The following GARIN1A variants were observed in gnomAD, a reference collection of about 807,000 sequenced individuals.
The protein encoded by GARIN1A is Golgi-associated RAB2 interactor protein 1A.
chr7:128,703,543 C>T, the GARIN1A span, among the ~76,000 whole-genome samples: 148 of 152,258 alleles, frequency 9.7e-4, no homozygotes, highest in Non-Finnish European at 1.1e-3. Context: ...ATAATCCCAG[C>T]GCTTTGGGAG....
the GARIN1A span, among the ~76,000 whole-genome samples, chr7:128,694,224 CTT>C: frequency 1.3e-5 from 2 of 152,158 alleles, no homozygotes; most frequent in Non-Finnish European, 2.9e-5. Flanking sequence ...GTGTTGGAAA[CTT>C]TTTAGTGTAA....
At chr7:128,707,220 A>ATGTGTGTGTG in the GARIN1A span, among the ~76,000 whole-genome samples, 3,085 of 147,248 alleles carry the variant, frequency 0.021, 44 homozygotes, top group Non-Finnish European at 0.028. Context: ...GTGTGTATGT[A>ATGTGTGTGTG]TGTGTGTGTG....
the GARIN1A span, chr7:128,683,369 A>T: frequency 4.7e-6 from 2 of 429,606 alleles, no homozygotes; most frequent in Non-Finnish European, 8.2e-6. Flanking sequence ...GAAAGGACTG[A>T]CTGAGAACAG....
chr7:128,707,032 T>C, the GARIN1A span, among the ~76,000 whole-genome samples: 1 of 152,018 alleles, frequency 6.6e-6, no homozygotes, highest in Non-Finnish European at 1.5e-5. Flanking sequence ...AAAAGTTTTT[T>C]TTTTTAACCA....
chr7:128,705,560 T>A, the GARIN1A span, among the ~76,000 whole-genome samples: 1 of 151,674 alleles, frequency 6.6e-6, no homozygotes, highest in African/African-American at 2.4e-5. Context: ...CATTTCTTCA[T>A]CAAACTTCCT....
At chr7:128,693,103 A>G in the GARIN1A span, among the ~76,000 whole-genome samples, 8 of 152,246 alleles carry the variant, frequency 5.3e-5, no homozygotes, top group Non-Finnish European at 8.8e-5. Context: ...ATTTAGAACA[A>G]ATCGATTTAT....
chr7:128,689,329 C>G, the GARIN1A span, among the ~76,000 whole-genome samples: 3 of 151,718 alleles, frequency 2.0e-5, no homozygotes, highest in African/African-American at 7.3e-5. Flanking sequence ...CACCTCTTAC[C>G]GGCCGCCATC....
chr7:128,695,791 G>A, the GARIN1A span, among the ~76,000 whole-genome samples: 3 of 151,972 alleles, frequency 2.0e-5, no homozygotes, highest in African/African-American at 7.3e-5. This position sits in a 1 kb window ranked among gnomAD's most constrained non-coding sequence, Gnocchi z 4.5. Flanking sequence ...TGATCTGTCC[G>A]CCTCGGCCTC....
chr7:128,703,800 G>C, the GARIN1A span, among the ~76,000 whole-genome samples: 1 of 151,568 alleles, frequency 6.6e-6, no homozygotes, highest in Admixed American at 6.6e-5. Context: ...GAAAAAGAAA[G>C]TGCAGATGCT....
At chr7:128,677,687 G>A in the GARIN1A span, 1 of 1,613,758 alleles carries the variant, frequency 6.2e-7, no homozygotes, top group Non-Finnish European at 8.5e-7. Context: ...CAGAGATTGT[G>A]TTTCAATTCT....
At chr7:128,686,835 C>T in the GARIN1A span, 1 of 152,284 alleles carries the variant, frequency 6.6e-6, no homozygotes. Flanking sequence ...GAGATCACTC[C>T]ACTGCGCTCT....
chr7:128,705,476 A>G, the GARIN1A span, among the ~76,000 whole-genome samples: 72 of 152,022 alleles, frequency 4.7e-4, no homozygotes, highest in African/African-American at 1.7e-3. Context: ...AGATTTTTCT[A>G]CCATAACATT....
chr7:128,700,900 A>T, the GARIN1A span, among the ~76,000 whole-genome samples: 2 of 152,140 alleles, frequency 1.3e-5, no homozygotes, highest in African/African-American at 4.8e-5. Context: ...CAAAACAAAA[A>T]GAAGACATCT....
At chr7:128,675,650 C>T in the GARIN1A span, 1 of 1,611,786 alleles carries the variant, frequency 6.2e-7, no homozygotes, top group Non-Finnish European at 8.5e-7. Context: ...CCTTTCTGAC[C>T]CATGTACCTG....
At chr7:128,707,750 C>A in the GARIN1A span, among the ~76,000 whole-genome samples, 1 of 152,078 alleles carries the variant, frequency 6.6e-6, no homozygotes, top group East Asian at 1.9e-4. Context: ...CCCTGCCCGG[C>A]CAAATATTTT....
chr7:128,676,665 A>G, the GARIN1A span, among the ~76,000 whole-genome samples: 1 of 151,892 alleles, frequency 6.6e-6, no homozygotes, highest in African/African-American at 2.4e-5. Flanking sequence ...ACGACTATGA[A>G]ATGCTGAGAT....
the GARIN1A span, chr7:128,687,669 A>T: frequency 6.6e-6 from 1 of 152,170 alleles, no homozygotes; most frequent in Admixed American, 6.5e-5. Flanking sequence ...AAGCGTGTCA[A>T]ATTTCAAGTC....
At chr7:128,689,150 A>G in the GARIN1A span, among the ~76,000 whole-genome samples, 14 of 151,938 alleles carry the variant, frequency 9.2e-5, no homozygotes, top group Non-Finnish European at 1.9e-4. Flanking sequence ...TCGGCTCGCT[A>G]CAACCTCCAC....
the GARIN1A span, among the ~76,000 whole-genome samples, chr7:128,700,279 A>AT: frequency 9.0e-4 from 107 of 119,512 alleles, no homozygotes; most frequent in East Asian, 5.7e-3. Flanking sequence ...TTTGTTTTGT[A>AT]TTTTGTTTTT....
Sources: gnomAD v4.1 joint callset for allele counts (sites outside exome capture counted in the v4.1 genomes callset) on GRCh38, gnomAD v4.1.1 for gene constraint, Gnocchi (gnomAD v3.1) non-coding constraint, MANE v1.5 for transcripts, NCBI Gene and HGNC (gene_info 2026-07-23, HGNC 2026-07-21) for gene names.